Variants in YTHDF3 observed in about 807,000 individuals in gnomAD.
YTHDF3 encodes YTH N6-methyladenosine RNA binding protein F3.
In YTHDF3, 9 loss-of-function variants were observed where a neutral mutation model predicts 52.5. The observed-to-expected ratio is 0.17, with a 90% CI of 0.10 to 0.30. The LOEUF (loss-of-function observed/expected upper bound fraction) is 0.30. YTHDF3 is among the 10% of genes least tolerant of loss of function. The probability of loss-of-function intolerance (pLI) is 1.00; values close to 1 mark genes in which losing one functional copy is unlikely to be tolerated. For missense variants in YTHDF3, 534 were observed against 715.0 expected (o/e 0.75, Z 2.89); for synonymous variants, 274 against 243.3 (o/e 1.13, Z -1.18).
chr8:63,177,290 T>C (rs1202409215), intron 3 of YTHDF3, among the ~76,000 whole-genome samples: 2 of 152,174 alleles, frequency 1.3e-5, no homozygotes, highest in African/African-American at 4.8e-5. Flanking sequence ...TTCAACCTCA[T>C]CTACCTCTTG....
chr8:63,174,898 T>A (rs1417242334), intron 2 of YTHDF3, among the ~76,000 whole-genome samples: 2 of 152,228 alleles, frequency 1.3e-5, no homozygotes, highest in African/African-American at 4.8e-5. Flanking sequence ...TTCTTTATTA[T>A]ACTAAATAAT....
chr8:63,199,149 C>T (rs916246240), intron 4 of YTHDF3, among the ~76,000 whole-genome samples: 2 of 151,988 alleles, frequency 1.3e-5, no homozygotes, highest in Non-Finnish European at 2.9e-5. Flanking sequence ...TATTTTTTCT[C>T]AGATTATTAA....
At chr8:63,194,744 A>G (rs1052627760) in intron 4 of YTHDF3, among the ~76,000 whole-genome samples, 3 of 152,192 alleles carry the variant, frequency 2.0e-5, no homozygotes, top group South Asian at 2.1e-4. Flanking sequence ...GCTTTCTTCT[A>G]GTAGTGAATC....
intron 4 of YTHDF3, among the ~76,000 whole-genome samples, chr8:63,197,564 A>C (rs1225907825): frequency 2.0e-5 from 3 of 152,216 alleles, no homozygotes; most frequent in African/African-American, 7.2e-5. Context: ...TCAAATCATA[A>C]GCACAGCCAC....
intron 4 of YTHDF3, among the ~76,000 whole-genome samples, chr8:63,190,064 A>G (rs912958981): frequency 6.6e-6 from 1 of 152,212 alleles, no homozygotes; most frequent in African/African-American, 2.4e-5. Flanking sequence ...GAAAGGTGGG[A>G]TGCAAGTTAA....
At chr8:63,187,829 T>C (rs1808627339) in intron 4 of YTHDF3, 84 bp downstream of exon 4, 5 of 1,427,416 alleles carry the variant, frequency 3.5e-6, no homozygotes, top group Non-Finnish European at 3.7e-6. Flanking sequence ...TTAAGAACTT[T>C]CTGTGAAGGA....
chr8:63,172,052 GT>G (rs1221010042), intron 2 of YTHDF3, among the ~76,000 whole-genome samples: 1 of 152,090 alleles, frequency 6.6e-6, no homozygotes, highest in Non-Finnish European at 1.5e-5. Flanking sequence ...AGGTTTACTT[GT>G]TTTATAAGTT....
At chr8:63,180,928 C>A (rs936771061) in intron 3 of YTHDF3, among the ~76,000 whole-genome samples, 3 of 152,158 alleles carry the variant, frequency 2.0e-5, no homozygotes, top group Admixed American at 1.3e-4. Flanking sequence ...GCAGCAGTAC[C>A]GTCCAGCTTC....
At position 63,186,909 on chromosome 8, in the gene YTHDF3, A is replaced by G. The variant is rs1808550392; in HGVS notation, c.898A>G (p.Ile300Val). The G allele has an allele frequency of 1.2e-6, 2 of 1,614,006 alleles. No individual in the cohort carries two copies. The highest frequency in any genetic ancestry group is 1.7e-6 in the Non-Finnish European group (2 of 1,179,890). Residue 300 changes from isoleucine to valine, a missense_variant, in exon 4 of 5, where the codon ATA (isoleucine) becomes GTA (valine). By Grantham distance (29) the Ile-to-Val change is conservative. Coordinates refer to ENST00000539294, the MANE Select transcript of YTHDF3 (RefSeq NM_152758.6). ...PTQPVLPPQT[I>V]IQQPQPLIQP... ...CCAACCAGTTCTGCCTCCTCAAACT[A>G]TAATCCAGCAGCCTCAGCCATTAAT...
chr8:63,185,184 T>A (rs1195493630), intron 3 of YTHDF3, among the ~76,000 whole-genome samples: 1 of 152,118 alleles, frequency 6.6e-6, no homozygotes, highest in Non-Finnish European at 1.5e-5. Context: ...TCAGACTTTT[T>A]TTTTTTGCGT....
At position 63,208,924 on chromosome 8, in the gene YTHDF3, A is replaced by G. The variant is rs1306771625; in HGVS notation, c.1735-759A>G. 3.9e-5 allele frequency among the ~76,000 whole-genome samples: 6 copies of G among 152,046 alleles called. No homozygotes were observed. In the East Asian group the frequency reaches 5.8e-4, roughly 15 times the overall value. On this transcript the variant is annotated intron_variant, in intron 4 of 4. Transcript: ENST00000539294. ...CTCTTGTTGCCCAGCCTGGAGTGCA[A>G]TGGTGCCATCTTGGCTCATGGCAAC...
At chr8:63,176,276 G>C (rs1394281326) in intron 3 of YTHDF3, among the ~76,000 whole-genome samples, 1 of 152,140 alleles carries the variant, frequency 6.6e-6, no homozygotes, top group Non-Finnish European at 1.5e-5. Flanking sequence ...TAGTTCTGTA[G>C]TTCTTATTTA....
intron 3 of YTHDF3, among the ~76,000 whole-genome samples, chr8:63,176,041 C>T (rs569634142): frequency 6.6e-6 from 1 of 152,188 alleles, no homozygotes; most frequent in South Asian, 2.1e-4. Context: ...TATTTGTGTA[C>T]AAGCGTAATT....
intron 4 of YTHDF3, among the ~76,000 whole-genome samples, chr8:63,203,134 C>A (rs1285659495): frequency 6.6e-6 from 1 of 151,500 alleles, no homozygotes; most frequent in Non-Finnish European, 1.5e-5. Context: ...CCCAGCTACT[C>A]GAGAGGCTTG....
intron 3 of YTHDF3, among the ~76,000 whole-genome samples, chr8:63,176,392 C>G (rs1458017564): frequency 6.6e-6 from 1 of 152,124 alleles, no homozygotes; most frequent in Non-Finnish European, 1.5e-5. Flanking sequence ...CGCCATTCTC[C>G]TGCCTCAGCC....
intron 4 of YTHDF3, among the ~76,000 whole-genome samples, chr8:63,197,489 A>G (rs1809313977): frequency 6.6e-6 from 1 of 152,224 alleles, no homozygotes; most frequent in Non-Finnish European, 1.5e-5. Context: ...CTTATTGTCT[A>G]ATCTTTTTGA....
Position 63,186,612 on chromosome 8 carries a change from A to G in YTHDF3, c.601A>G (p.Thr201Ala), listed in dbSNP as rs767933495. The G allele has an allele frequency of 1.9e-6, 3 of 1,614,010 alleles. No homozygotes were observed. Among genetic ancestry groups the G allele is most frequent in the Non-Finnish European group, 2.5e-6 (3 of 1,179,894 alleles). Reference sequence around the variant, plus strand: ...TGGACTGAAAATTGGTGGTGACCTGACAGCTGCAGTGACAAAAACTGTAGG... The same window carrying G: ...TGGACTGAAAATTGGTGGTGACCTGGCAGCTGCAGTGACAAAAACTGTAGG... ...MTGLKIGGDL[T>A]AAVTKTVGTA... Residue 201 changes from threonine (T) to alanine (A), a missense_variant, in exon 4 of 5, where the codon ACA becomes GCA. Physicochemically the swap from Thr to Ala is moderately conservative, Grantham distance 58 (BLOSUM62 0). Coordinates refer to ENST00000539294, the MANE Select transcript of YTHDF3 (RefSeq NM_152758.6).
intron 4 of YTHDF3, chr8:63,188,693 ATATATATATTT>A (rs1808699778): frequency 1.5e-5 from 1 of 65,866 alleles, no homozygotes; most frequent in African/African-American, 6.7e-5. Context: ...ATATATATAT[ATATATATATTT>A]TTTTTTTTTT....
At position 63,210,282 on chromosome 8, in the gene YTHDF3, A is replaced by G. The variant is rs1166259790; in HGVS notation, c.*576A>G. The stretch of plus-strand genomic sequence containing the variant: ...TTTAGCCAAATGAAACATAATCTGA[A>G]ATTATATTAGAACATTTCCCTTGTC... On this transcript the variant is annotated 3_prime_UTR_variant, in exon 5 of 5. Transcript: ENST00000539294. The G allele has an allele frequency of 6.5e-6, 1 of 152,696 alleles. No homozygotes were observed. Among genetic ancestry groups the G allele is most frequent in the East Asian group, 1.9e-4 (1 of 5,196 alleles). The allele number at this position is 152,696 out of a possible 1,614,324, so 9.5% of individuals were successfully genotyped here.
Sources: allele counts gnomAD v4.1 joint callset (sites outside exome capture counted in the v4.1 genomes callset), GRCh38; gene constraint gnomAD v4.1.1; transcripts MANE v1.5; gene names NCBI Gene and HGNC (gene_info 2026-07-23, HGNC 2026-07-21).